Variants in COL3A1 observed in about 807,000 individuals in gnomAD.
The protein encoded by COL3A1 is collagen alpha-1(III) chain.
Under a neutral mutation model 200.9 loss-of-function variants are expected in COL3A1, and 46 were observed. The ratio of observed to expected loss-of-function variants is 0.23; its 90% CI spans 0.18 to 0.29. The LOEUF (loss-of-function observed/expected upper bound fraction) is 0.29, where lower values mean the gene tolerates loss of function less well. Among genes scored for constraint, COL3A1 ranks in the 10% least tolerant of loss-of-function variants. The pLI, the probability that COL3A1 is intolerant of heterozygous loss-of-function variation, is 1.00. For missense variants in COL3A1, 1,367 were observed against 1,917.6 expected (o/e 0.71, Z 5.36); for synonymous variants, 650 against 628.0 (o/e 1.03, Z -0.52).
chr2:188,990,983 C>T (rs780994138), intron 10 of COL3A1, 21 bp from the exon 11 acceptor site: 61 of 1,610,176 alleles, frequency 3.8e-5, no homozygotes, highest in Non-Finnish European at 5.1e-5. Context: ...AATAATTTTG[C>T]TGGTTTTATA....
At chr2:189,005,264 T>G in intron 40 of COL3A1, 86 bp from the exon 41 acceptor site, 1 of 1,250,250 alleles carries the variant, frequency 8.0e-7, no homozygotes, top group South Asian at 1.2e-5. Flanking sequence ...AATAAGTTTT[T>G]TACCTGAAAA....
Position 189,011,877 on chromosome 2 carries a change from T to G in COL3A1, c.*103T>G, listed in dbSNP as rs2153504477. 2 of 1,294,292 alleles carry G rather than the reference T, an allele frequency of 1.5e-6. No individual in the cohort carries two copies. Among genetic ancestry groups the G allele is most frequent in the East Asian group, 4.7e-5 (2 of 42,506 alleles). 80.2% of individuals were successfully genotyped at this position (1,294,292 alleles called of 1,614,324 possible). A position where few individuals can be genotyped will look rare whatever the true frequency, so the allele number is the denominator to read the frequency against. ...TGCAAGTGACCGACAAAATTCCAGTTATTTATTTCCAAAATGTTTGGAAAC... is the reference window on the plus strand; with the variant it reads ...TGCAAGTGACCGACAAAATTCCAGTGATTTATTTCCAAAATGTTTGGAAAC... On this transcript the variant is annotated 3_prime_UTR_variant, in exon 51 of 51. Coordinates refer to ENST00000304636, the MANE Select transcript of COL3A1 (RefSeq NM_000090.4).
chr2:188,994,993 G>C lies in COL3A1; in HGVS notation c.1456-53G>C. ...AAAATATTTGCCACTCAAGAATTAT[G>C]AAAAAGAATTGAAATCCTTTGGACT... On this transcript the variant is annotated intron_variant, in intron 20 of 50. Transcript: ENST00000304636. The surrounding 1 kb of genome is among the most constrained non-coding windows in gnomAD (Gnocchi z 4.5). 6.3e-7 allele frequency: 1 copy of C among 1,595,396 alleles called. No individual in the cohort carries two copies. Among genetic ancestry groups the C allele is most frequent in the Non-Finnish European group, 8.6e-7 (1 of 1,163,006 alleles).
intron 31 of COL3A1, 100 bp downstream of exon 31, chr2:188,999,677 A>T: frequency 7.0e-7 from 1 of 1,424,648 alleles, no homozygotes; most frequent in Non-Finnish European, 9.7e-7. Flanking sequence ...TTTCAAAATT[A>T]ATGTTATCAT....
rs373895257 is a variant in COL3A1 at position 189,004,177 on chromosome 2, T to G, written c.2823+34T>G. On this transcript the variant is annotated intron_variant, in intron 39 of 50. Transcript: ENST00000304636. ...CTTCATTTTTTTAAATTGATTCTAC[T>G]ATTTTGATTTTTATCACAAATCGAT... The G allele has an allele frequency of 1.9e-6, 3 of 1,612,732 alleles. No individual in the cohort carries two copies. In the African/African-American group the frequency reaches 4.0e-5, roughly 22 times the overall value.
Position 189,003,777 on chromosome 2 carries a change from C to G in COL3A1, c.2651C>G (p.Pro884Arg). ...FPGARGLPGPPGSNGNPGPPG... is the reference protein window; with the variant it reads ...FPGARGLPGPRGSNGNPGPPG... ...GGTGCTCGTGGTCTTCCTGGTCCTCCTGGTAGTAATGTAAGTAATTGTTAA... is the reference window on the plus strand; with the variant it reads ...GGTGCTCGTGGTCTTCCTGGTCCTCGTGGTAGTAATGTAAGTAATTGTTAA... Residue 884 changes from proline (P) to arginine (R), a missense_variant, in exon 38 of 51, where the codon CCT (proline) becomes CGT (arginine). By Grantham distance (103) the Pro-to-Arg change is moderately radical (BLOSUM62 -2). Transcript: ENST00000304636. 1 of 1,614,074 alleles carries G rather than the reference C, an allele frequency of 6.2e-7. No homozygotes were observed. Among genetic ancestry groups the G allele is most frequent in the Non-Finnish European group, 8.5e-7 (1 of 1,179,964 alleles).
At position 189,011,679 on chromosome 2, in the gene COL3A1, G is replaced by T. The variant is rs148015311; in HGVS notation, c.4306G>T (p.Ala1436Ser). 1 of 1,614,004 alleles carries T rather than the reference G, an allele frequency of 6.2e-7. No individual in the cohort carries two copies. Among genetic ancestry groups the T allele is most frequent in the Non-Finnish European group, 8.5e-7 (1 of 1,179,922 alleles). The change falls in exon 51 of 51, where the codon GCT becomes TCT. Residue 1436 changes from alanine (A) to serine (S), a missense_variant. Ala to Ser is a moderately conservative substitution (Grantham distance 99). This residue lies in a region of COL3A1 where 846 missense variants were observed against 1,147.9 expected (regional missense o/e 0.74). Transcript: ENST00000304636. ...KTVFEYRTRK[A>S]VRLPIVDIAP... is the part of the protein sequence containing the mutation. ...AGTCTTTGAATATCGAACACGCAAG[G>T]CTGTGAGACTACCTATTGTAGATAT...
At position 189,006,565 on chromosome 2, in the gene COL3A1, T is replaced by C. The variant is rs1688590064; in HGVS notation, c.3201+113T>C. The C allele has an allele frequency of 3.7e-5, 38 of 1,024,708 alleles. No homozygotes were observed. The South Asian group carries it at 4.9e-4, about 13-fold the overall frequency. 63.5% of individuals were successfully genotyped at this position (1,024,708 alleles called of 1,614,324 possible). On this transcript the variant is annotated intron_variant, in intron 43 of 50. Transcript: ENST00000304636. Reference sequence around the variant, plus strand: ...CAACCAAAATATCCACTGTCATTTGTTTTACAGTTTTAATGCTAGTTGTTC... The same window carrying C: ...CAACCAAAATATCCACTGTCATTTGCTTTACAGTTTTAATGCTAGTTGTTC...
intron 13 of COL3A1, 106 bp from the exon 14 acceptor site, chr2:188,992,078 A>T: frequency 9.8e-7 from 1 of 1,022,372 alleles, no homozygotes; most frequent in Admixed American, 1.7e-5. Context: ...ATTTTAATGT[A>T]CTTGAAGAAA....
intron 4 of COL3A1, 123 bp downstream of exon 4, chr2:188,985,901 T>C: frequency 1.4e-6 from 1 of 725,882 alleles, no homozygotes; most frequent in Non-Finnish European, 2.5e-6. Context: ...TTCAGTGTAT[T>C]TAATAAATCC....
At chr2:189,001,617 CT>C (rs1688466095) in intron 34 of COL3A1, 28 bp downstream of exon 34, 1 of 1,492,102 alleles carries the variant, frequency 6.7e-7, no homozygotes, top group Non-Finnish European at 8.8e-7. Context: ...TCTCAACATA[CT>C]TTTTAACCCC....
Position 188,988,062 on chromosome 2 carries a change from A to C in COL3A1, c.529-19A>C, listed in dbSNP as rs753827001. 1.4e-5 allele frequency: 23 copies of C among 1,596,100 alleles called. No homozygotes were observed. The South Asian group carries it at 2.5e-4, about 18-fold the overall frequency. On this transcript the variant is annotated intron_variant, in intron 5 of 50. Coordinates refer to ENST00000304636, the MANE Select transcript of COL3A1 (RefSeq NM_000090.4). ...TTTGCATTCATTTATTTTGTTTTTCATTCAAATTCACATTCCAGGGCCCCC... is the reference window on the plus strand; with the variant it reads ...TTTGCATTCATTTATTTTGTTTTTCCTTCAAATTCACATTCCAGGGCCCCC...
chr2:188,998,351 AAC>A (rs1356182136), intron 28 of COL3A1, 32 bp downstream of exon 28: 1 of 1,583,114 alleles, frequency 6.3e-7, no homozygotes, highest in South Asian at 1.1e-5. Flanking sequence ...AAAACTCAGA[AAC>A]AAAAAGAATA....
At chr2:188,977,993 T>C in intron 1 of COL3A1, 1 of 344,114 alleles carries the variant, frequency 2.9e-6, no homozygotes, top group South Asian at 2.3e-5. Context: ...TTTTCATCCA[T>C]GATACCTTGT....
chr2:189,005,073 T>C (rs936325289), intron 40 of COL3A1, among the ~76,000 whole-genome samples: 4 of 152,168 alleles, frequency 2.6e-5, no homozygotes, highest in Admixed American at 2.6e-4. Flanking sequence ...ACTAATCATG[T>C]TTATGTATTC....
intron 26 of COL3A1, 134 bp downstream of exon 26, chr2:188,997,523 G>T: frequency 8.6e-7 from 1 of 1,166,896 alleles, no homozygotes; most frequent in Non-Finnish European, 1.3e-6. Flanking sequence ...TGCTGACCTA[G>T]TTATCTAGCT....
intron 27 of COL3A1, 110 bp from the exon 28 acceptor site, chr2:188,998,156 G>A (rs1688370963): frequency 3.1e-6 from 3 of 982,028 alleles, no homozygotes; most frequent in Non-Finnish European, 4.8e-6. Flanking sequence ...ACCCCTACAA[G>A]ACCACTGGAA....
chr2:189,007,109 A>ATATAT (rs1182981483), intron 44 of COL3A1, 119 bp downstream of exon 44: 1 of 97,794 alleles, frequency 1.0e-5, no homozygotes, highest in Non-Finnish European at 1.9e-5. Flanking sequence ...ATATATATAT[A>ATATAT]TATATATATA....
chr2:188,992,814 T>C (rs1688215469), intron 14 of COL3A1, 73 bp from the exon 15 acceptor site: 1 of 1,138,838 alleles, frequency 8.8e-7, no homozygotes, highest in South Asian at 1.2e-5. Flanking sequence ...TTATATGTGC[T>C]CACTTATTTA....
Sources: allele counts gnomAD v4.1 joint callset (sites outside exome capture counted in the v4.1 genomes callset), GRCh38; gene constraint gnomAD v4.1.1; regional missense constraint gnomAD v4.1.1; non-coding constraint Gnocchi (gnomAD v3.1); transcripts MANE v1.5; gene names NCBI Gene and HGNC (gene_info 2026-07-23, HGNC 2026-07-21).